Variants in ZNF292 observed in about 807,000 individuals in gnomAD.
ZNF292 encodes the protein 16 zinc-finger domain protein.
A neutral mutation model predicts 217.9 loss-of-function variants in ZNF292; 26 were observed. The observed-to-expected ratio is 0.12, with a 90% CI of 0.09 to 0.17. The LOEUF is 0.17. Ranked by LOEUF, ZNF292 falls within the 10% of genes least tolerant of loss-of-function variation. The pLI is 1.00. For missense variants in ZNF292, 2,904 were observed against 3,175.2 expected, an observed-to-expected ratio of 0.91 and a Z score of 2.05; for synonymous variants, 1,257 against 1,124.1, an observed-to-expected ratio of 1.12 and a Z score of -2.37.
rs1448423557 is a variant in ZNF292 at position 87,155,581 on chromosome 6, G to A, written c.-11G>A. On this transcript the variant is annotated 5_prime_UTR_variant, in exon 1 of 8. Transcript: ENST00000369577. ...GACCCAGGTGCGTACGCGACGGAGC[G>A]GGGTGTGAAGATGGCGGACGAAGAG... is the stretch of plus-strand genomic sequence containing the variant. 1.9e-6 allele frequency: 3 copies of A among 1,573,426 alleles called. No homozygotes were observed. The highest frequency in any genetic ancestry group is 2.6e-6 in the Non-Finnish European group (3 of 1,160,314).
intron 1 of ZNF292, among the ~76,000 whole-genome samples, chr6:87,191,920 C>T (rs1215262720): frequency 6.6e-6 from 1 of 152,180 alleles, no homozygotes; most frequent in East Asian, 1.9e-4. Context: ...CCTTGGCCTC[C>T]CAAAGTGCTG....
chr6:87,264,182 A>G lies in ZNF292; in HGVS notation c.*2381A>G. 6.6e-6 allele frequency: 1 copy of G among 152,094 alleles called. No individual in the cohort carries two copies. Among genetic ancestry groups the G allele is most frequent in the Non-Finnish European group, 1.5e-5 (1 of 67,998 alleles). The allele number at this position is 152,094 out of a possible 1,614,324, so 9.4% of individuals were successfully genotyped here. A position where few individuals can be genotyped will look rare whatever the true frequency, so the allele number is the denominator to read the frequency against. ...TAAGTATTAAAAAATCATAAAATAT[A>G]TTTTTTTCATGGTATACTTTTCCCC... On this transcript the variant is annotated 3_prime_UTR_variant, in exon 8 of 8. Transcript: ENST00000369577.
At chr6:87,193,719 CAA>C (rs1771882141) in intron 1 of ZNF292, among the ~76,000 whole-genome samples, 2 of 152,046 alleles carry the variant, frequency 1.3e-5, no homozygotes, top group South Asian at 2.1e-4. Flanking sequence ...GTTTCATGCA[CAA>C]AGTTATTTAA....
rs74555374 is a variant in ZNF292 at position 87,199,286 on chromosome 6, T to A, written c.169-16617T>A. Among the ~76,000 whole-genome samples, 1,439 of 152,378 alleles carry A rather than the reference T, an allele frequency of 9.4e-3. 19 individuals carry two copies. Among genetic ancestry groups the A allele is most frequent in the African/African-American group, 0.033 (1,355 of 41,580 alleles). On this transcript the variant is annotated intron_variant, in intron 1 of 7. Transcript: ENST00000369577. Reference sequence around the variant, plus strand: ...TTTCATGTGCATTTTCAGCCATTTATCTTCTTTGGTGAACTGTCCATTTAA... The same window carrying A: ...TTTCATGTGCATTTTCAGCCATTTAACTTCTTTGGTGAACTGTCCATTTAA...
At chr6:87,241,027 G>C (rs1774255913) in intron 5 of ZNF292, among the ~76,000 whole-genome samples, 1 of 152,202 alleles carries the variant, frequency 6.6e-6, no homozygotes, top group Non-Finnish European at 1.5e-5. Context: ...GCTCATGCCT[G>C]TAATCCCAGC....
At chr6:87,201,353 C>T (rs1209222867) in intron 1 of ZNF292, among the ~76,000 whole-genome samples, 1 of 152,100 alleles carries the variant, frequency 6.6e-6, no homozygotes, top group Non-Finnish European at 1.5e-5. Flanking sequence ...CTTCTTTGCC[C>T]TAAGGTCTTA....
chr6:87,165,779 A>G (rs1340691948), intron 1 of ZNF292, among the ~76,000 whole-genome samples: 1 of 134,630 alleles, frequency 7.4e-6, no homozygotes, highest in Non-Finnish European at 1.5e-5. Context: ...TTTTTTTGAC[A>G]TAGAGTTTCG....
chr6:87,168,588 G>A (rs1437062944), intron 1 of ZNF292, among the ~76,000 whole-genome samples: 4 of 152,106 alleles, frequency 2.6e-5, no homozygotes, highest in Non-Finnish European at 5.9e-5. Flanking sequence ...TCCTGCCTCA[G>A]TCTCCCGAGT....
At position 87,210,214 on chromosome 6, in the gene ZNF292, A is replaced by G. The variant is rs141604044; in HGVS notation, c.169-5689A>G. Among the ~76,000 whole-genome samples, 904 of 152,320 alleles carry G rather than the reference A, an allele frequency of 5.9e-3. 4 individuals are homozygous for G. The highest frequency in any genetic ancestry group is 0.021 in the African/African-American group (860 of 41,560). ...TAAGAGCCAAATTGTTAAAGTGTGC[A>G]TTTTTGTTCTCAAGGGGTTAAAAAT... On this transcript the variant is annotated intron_variant, in intron 1 of 7. Transcript: ENST00000369577.
chr6:87,217,574 C>G (rs1356831875), intron 3 of ZNF292, among the ~76,000 whole-genome samples: 2 of 152,050 alleles, frequency 1.3e-5, no homozygotes, highest in East Asian at 3.8e-4. Context: ...AACCAGAATT[C>G]CAAATGCTAC....
intron 1 of ZNF292, among the ~76,000 whole-genome samples, chr6:87,195,813 A>G (rs914395512): frequency 1.3e-5 from 2 of 152,110 alleles, no homozygotes; most frequent in African/African-American, 4.8e-5. Flanking sequence ...GGATCACCTG[A>G]GGTCAGGAGT....
At chr6:87,219,861 C>G (rs564594858) in intron 4 of ZNF292, among the ~76,000 whole-genome samples, 4 of 152,192 alleles carry the variant, frequency 2.6e-5, no homozygotes, top group African/African-American at 9.6e-5. Flanking sequence ...AGAGTCTTGC[C>G]CTGTGGCCCA....
At chr6:87,213,744 G>T (rs575064696) in intron 1 of ZNF292, 1 of 152,326 alleles carries the variant, frequency 6.6e-6, no homozygotes, top group Admixed American at 6.5e-5. Flanking sequence ...AAGCAAGGGG[G>T]TGAAGAGAAC....
In ZNF292 at chr6:87,237,863, G is replaced by A. The variant is rs562256657; in HGVS notation, c.741+4336G>A. The stretch of plus-strand genomic sequence containing the variant: ...TAGTCCCTATATAGGTAATATACTG[G>A]TAATCTCTGAATTTTGCTTCTTTGG... On this transcript the variant is annotated intron_variant, in intron 5 of 7. Coordinates refer to ENST00000369577, the MANE Select transcript of ZNF292 (RefSeq NM_015021.3). 3.9e-5 allele frequency among the ~76,000 whole-genome samples: 6 copies of A among 152,270 alleles called. 2 individuals carry two copies. Among genetic ancestry groups the A allele is most frequent in the African/African-American group, 1.2e-4 (5 of 41,548 alleles).
In ZNF292 at chr6:87,155,669, C is replaced by A; in HGVS notation, c.78C>A (p.Gly26=). The A allele has an allele frequency of 6.3e-7, 1 of 1,585,868 alleles. No homozygotes were observed. Among genetic ancestry groups the A allele is most frequent in the Non-Finnish European group, 8.6e-7 (1 of 1,167,974 alleles). The change falls in exon 1 of 8, where the codon GGC becomes GGA. Residue 26 remains glycine, a synonymous_variant. Coordinates refer to ENST00000369577, the MANE Select transcript of ZNF292 (RefSeq NM_015021.3). ...GGCVAELQRL[G]ERLQELELQL... ...GCGTCGCGGAGCTGCAGCGCCTGGG[C>A]GAGCGGCTCCAGGAGCTGGAGCTAC... is the stretch of plus-strand genomic sequence containing the variant.
intron 1 of ZNF292, among the ~76,000 whole-genome samples, chr6:87,192,289 T>C (rs986357241): frequency 6.6e-6 from 1 of 152,094 alleles, no homozygotes. Flanking sequence ...CAACAGTCTT[T>C]CTAGAGCTAC....
chr6:87,162,871 A>G (rs1033576820), intron 1 of ZNF292, among the ~76,000 whole-genome samples: 2 of 152,256 alleles, frequency 1.3e-5, no homozygotes, highest in African/African-American at 2.4e-5. Context: ...CTACAGATAA[A>G]TTCAGTTTAT....
chr6:87,222,954 G>GGGGTTATGGGTTTT (rs1773163450), intron 4 of ZNF292: 2 of 331,630 alleles, frequency 6.0e-6, no homozygotes, highest in South Asian at 5.2e-5. Context: ...TGATTAGACT[G>GGGGTTATGGGTTTT]GGGTTATGGG....
At chr6:87,241,695 C>T (rs982215343) in intron 5 of ZNF292, among the ~76,000 whole-genome samples, 3 of 152,208 alleles carry the variant, frequency 2.0e-5, no homozygotes, top group African/African-American at 7.2e-5. Context: ...GTTTGGATTA[C>T]AGGCGTGAGC....
Sources: allele counts gnomAD v4.1 joint callset (sites outside exome capture counted in the v4.1 genomes callset), GRCh38; gene constraint gnomAD v4.1.1; transcripts MANE v1.5; gene names NCBI Gene and HGNC (gene_info 2026-07-23, HGNC 2026-07-21).